The following TRRAP variants were observed in gnomAD, a reference collection of about 807,000 sequenced individuals.
TRRAP encodes transformation/transcription domain associated protein, also known as transformation/transcription domain-associated protein.
TRRAP carries 41 observed loss-of-function variants against 438.8 expected under a neutral mutation model. The observed-to-expected ratio is 0.09, with a 90% CI of 0.07 to 0.12. The LOEUF (loss-of-function observed/expected upper bound fraction) is 0.12. Ranked by LOEUF, TRRAP falls within the 10% of genes least tolerant of loss-of-function variation. The pLI is 1.00. For synonymous variants in TRRAP, 1,994 were observed against 1,962.9 expected, an observed-to-expected ratio of 1.02 and a Z score of -0.42; for missense variants, 3,122 against 5,055.1, an observed-to-expected ratio of 0.62 and a Z score of 11.60.
In TRRAP at chr7:98,910,160, T is replaced by A; in HGVS notation, c.1455T>A (p.Pro485=). The change falls in exon 15 of 73, where the codon CCT becomes CCA. Residue 485 remains proline (P), a synonymous_variant. Coordinates refer to ENST00000456197, the MANE Select transcript of TRRAP (RefSeq NM_001375524.1). ...TTGGAGCCGTGGAAGCAGCTCTGCC[T>A]GGGGTGCCCACTGCCCCTGCAGCTC... The part of the protein sequence containing the change: ...SELGAVEAAL[P]GVPTAPAAPG... 6.2e-7 allele frequency: 1 copy of A among 1,612,562 alleles called. No individual in the cohort carries two copies.
chr7:98,881,162 T>G lies in TRRAP; in HGVS notation c.12T>G (p.Val4=). 6.2e-7 allele frequency: 1 copy of G among 1,605,918 alleles called. No homozygotes were observed. Among genetic ancestry groups the G allele is most frequent in the South Asian group, 1.1e-5 (1 of 89,696 alleles). Residue 4 remains valine, a synonymous_variant, in exon 2 of 73, where the codon GTT becomes GTG. Transcript: ENST00000456197. The stretch of plus-strand genomic sequence containing the variant: ...AGCCCAAAAGAAAAATGGCGTTTGT[T>G]GCAACACAGGGGGCCACGGTGGTTG... MAF[V]ATQGATVVDQ... is the part of the protein sequence containing the mutation.
rs140091431 is a variant in TRRAP at position 98,981,888 on chromosome 7, C to T, written c.8754C>T (p.Ala2918=). ...LSFIERLVEM[A]SSLAIREWRR... is the part of the protein sequence containing the mutation. Reference sequence around the variant, plus strand: ...TCATCGAGCGCCTGGTGGAGATGGCCAGCAGCCTGGCCATCCGCGAGTGGC... The same window carrying T: ...TCATCGAGCGCCTGGTGGAGATGGCTAGCAGCCTGGCCATCCGCGAGTGGC... The change falls in exon 59 of 73, where the codon GCC becomes GCT. Residue 2918 remains alanine (A), a synonymous_variant. Transcript: ENST00000456197. 531 of 1,609,760 alleles carry T rather than the reference C, an allele frequency of 3.3e-4. 2 individuals carry two copies. In the African/African-American group the frequency reaches 5.9e-3, roughly 18 times the overall value.
chr7:98,966,902 C>T (rs1004429806), intron 49 of TRRAP, 139 bp from the exon 50 acceptor site: 9 of 834,362 alleles, frequency 1.1e-5, no homozygotes, highest in Non-Finnish European at 1.6e-5. Flanking sequence ...TTTAAGCATC[C>T]AAAGATAAAG....
In TRRAP at chr7:98,950,065, A is replaced by C; in HGVS notation, c.5137A>C (p.Arg1713=). The change falls in exon 38 of 73, where the codon AGG becomes CGG. Residue 1713 remains arginine (R), a splice_region_variant and synonymous_variant. Coordinates refer to ENST00000456197, the MANE Select transcript of TRRAP (RefSeq NM_001375524.1). ...TGTCTTCTTCTTTTGACCCTCCAGA[A>C]GGAATTACGGAGATATAGAATTGCT... ...LAYCLLNYCK[R]NYGDIELLFQ... The C allele has an allele frequency of 6.2e-7, 1 of 1,614,162 alleles. No homozygotes were observed. The highest frequency in any genetic ancestry group is 1.1e-5 in the South Asian group (1 of 91,064).
rs1280937200 is a variant in TRRAP at position 98,880,268 on chromosome 7, T to TTTTTG, written c.-61-818_-61-817insGTTTT. 7.5e-4 allele frequency among the ~76,000 whole-genome samples: 112 copies of TTTTTG among 148,470 alleles called. 2 individuals carry two copies. The highest frequency in any genetic ancestry group is 1.3e-3 in the Non-Finnish European group (90 of 67,072). ...GCGTTTTGTTGTTGTTGTTGTTTTT[T>TTTTTG]TTTTTTTTTTTCCGAGACTGAACCT... On this transcript the variant is annotated intron_variant, in intron 1 of 72. Coordinates refer to ENST00000456197, the MANE Select transcript of TRRAP (RefSeq NM_001375524.1).
chr7:99,007,514 A>G (rs1382351777), intron 69 of TRRAP, among the ~76,000 whole-genome samples: 3 of 144,624 alleles, frequency 2.1e-5, no homozygotes, highest in Non-Finnish European at 4.5e-5. Flanking sequence ...ACGCCTGGCT[A>G]ATTTTTGTAT....
chr7:98,958,787 A>G (rs1428452537), intron 44 of TRRAP, among the ~76,000 whole-genome samples: 2 of 152,172 alleles, frequency 1.3e-5, no homozygotes, highest in African/African-American at 4.8e-5. Context: ...AAAGGGTGAG[A>G]TGATCCAACC....
chr7:98,975,281 G>C (rs1792605256), intron 53 of TRRAP, among the ~76,000 whole-genome samples: 1 of 152,226 alleles, frequency 6.6e-6, no homozygotes. Context: ...TTTCCCCCTT[G>C]GGTTTGCTGC....
chr7:98,879,268 C>T (rs1795310056), intron 1 of TRRAP, among the ~76,000 whole-genome samples: 1 of 152,190 alleles, frequency 6.6e-6, no homozygotes, highest in South Asian at 2.1e-4. Context: ...GGGGGCGTTT[C>T]CCCCCGGCCA....
chr7:98,897,624 T>C, intron 7 of TRRAP, 117 bp from the exon 8 acceptor site: 1 of 1,318,142 alleles, frequency 7.6e-7, no homozygotes, highest in Non-Finnish European at 1.0e-6. Flanking sequence ...ATGTAGAACA[T>C]ACTGTTTTTT....
intron 67 of TRRAP, among the ~76,000 whole-genome samples, chr7:98,998,214 C>G (rs1437464072): frequency 6.6e-6 from 1 of 152,092 alleles, no homozygotes; most frequent in Non-Finnish European, 1.5e-5. Context: ...AACTCTTGAC[C>G]CCTCTTCTCC....
chr7:98,981,717 A>G, intron 58 of TRRAP, 52 bp from the exon 59 acceptor site: 1 of 1,536,142 alleles, frequency 6.5e-7, no homozygotes, highest in Non-Finnish European at 8.7e-7. Flanking sequence ...GACACTTTAC[A>G]CTGAGGGAAA....
In TRRAP at chr7:98,976,707, T is replaced by G; in HGVS notation, c.8184T>G (p.Leu2728=). 6.2e-7 allele frequency: 1 copy of G among 1,614,054 alleles called. No homozygotes were observed. Among genetic ancestry groups the G allele is most frequent in the Non-Finnish European group, 8.5e-7 (1 of 1,180,026 alleles). The change falls in exon 55 of 73, where the codon CTT becomes CTG. Residue 2728 remains leucine (L), a synonymous_variant. Coordinates refer to ENST00000456197, the MANE Select transcript of TRRAP (RefSeq NM_001375524.1). The surrounding 1 kb of genome is among the most constrained non-coding windows in gnomAD (Gnocchi z 4.6). ...AGGCTTTTGAAAAGGGTCTGAGTCT[T>G]CAGATTAAGCCGAAGCAAACAACGG... The part of the protein sequence containing the change: ...EHQAFEKGLS[L]QIKPKQTTEF...
At chr7:98,957,410 T>C (rs1791668596) in intron 43 of TRRAP, among the ~76,000 whole-genome samples, 1 of 152,232 alleles carries the variant, frequency 6.6e-6, no homozygotes, top group South Asian at 2.1e-4. Context: ...TACAGTGTTT[T>C]TGTAGAAATC....
intron 18 of TRRAP, among the ~76,000 whole-genome samples, chr7:98,913,249 G>A (rs555378150): frequency 2.4e-4 from 37 of 152,112 alleles, no homozygotes; most frequent in Admixed American, 1.4e-3. Flanking sequence ...TGCGGTTACA[G>A]TTACATCAAC....
rs1414997419 is a variant in TRRAP, at chr7:98,988,920, C to T, written c.9545C>T (p.Ala3182Val). 6.2e-7 allele frequency: 1 copy of T among 1,614,076 alleles called. No individual in the cohort carries two copies. Among genetic ancestry groups the T allele is most frequent in the Non-Finnish European group, 8.5e-7 (1 of 1,180,020 alleles). ...TCTGCCATCACCTGCTACCTGCACG[C>T]CTGCCGGCATCAGAACGAGAGCAAA... is the stretch of plus-strand genomic sequence containing the variant. ...GVSAITCYLH[A>V]CRHQNESKSR... Residue 3182 changes from alanine to valine, a missense_variant, in exon 63 of 73, where the codon GCC (alanine) becomes GTC (valine). Transcript: ENST00000456197.
intron 4 of TRRAP, among the ~76,000 whole-genome samples, chr7:98,891,204 T>TATATATATA (rs71799326): frequency 7.1e-5 from 5 of 70,352 alleles, no homozygotes; most frequent in Non-Finnish European, 1.0e-4. Flanking sequence ...TATATATATA[T>TATATATATA]TTTTTTTTTT....
intron 67 of TRRAP, chr7:98,999,744 G>A: frequency 1.5e-6 from 1 of 681,838 alleles, no homozygotes; most frequent in Non-Finnish European, 2.6e-6. Context: ...TATATTCAAA[G>A]CTACTATTCT....
At chr7:98,982,420 C>G (rs1415187994) in intron 59 of TRRAP, among the ~76,000 whole-genome samples, 4 of 152,150 alleles carry the variant, frequency 2.6e-5, no homozygotes, top group Non-Finnish European at 5.9e-5. Flanking sequence ...GAGTATTGAA[C>G]TAAGTGTTAT....
Sources: allele counts gnomAD v4.1 joint callset (sites outside exome capture counted in the v4.1 genomes callset), GRCh38; gene constraint gnomAD v4.1.1; non-coding constraint Gnocchi (gnomAD v3.1); transcripts MANE v1.5; gene names NCBI Gene and HGNC (gene_info 2026-07-23, HGNC 2026-07-21).